ZC3H3: variants seen among roughly 807,000 people sequenced by gnomAD.
ZC3H3 encodes zinc finger CCCH-type containing 3.
ZC3H3 carries 36 observed loss-of-function variants against 77.3 expected under a neutral mutation model. That is an observed-to-expected ratio of 0.47 (90% confidence interval 0.36 to 0.61). ZC3H3 has a LOEUF of 0.61. Among genes scored for constraint, ZC3H3 ranks in the 20% least tolerant of loss-of-function variants. The pLI is 0.00. For missense variants in ZC3H3, 1,331 were observed against 1,312.2 expected (o/e 1.01, Z -0.22); for synonymous variants, 626 against 555.2 (o/e 1.13, Z -1.79).
At chr8:143,520,559 C>A (rs1367327867) in intron 3 of ZC3H3, among the ~76,000 whole-genome samples, 5 of 152,228 alleles carry the variant, frequency 3.3e-5, no homozygotes, top group Admixed American at 3.3e-4. Context: ...GCCGGGCCCA[C>A]CCAGACACCC....
chr8:143,474,919 C>T (rs1423920917), intron 5 of ZC3H3, among the ~76,000 whole-genome samples: 2 of 152,368 alleles, frequency 1.3e-5, no homozygotes, highest in East Asian at 1.9e-4. Flanking sequence ...ACGGGCGCCG[C>T]GGCCCCAGGT....
intron 9 of ZC3H3, among the ~76,000 whole-genome samples, chr8:143,446,016 GAACA>G (rs1819854903): frequency 1.3e-5 from 2 of 152,182 alleles, no homozygotes; most frequent in Admixed American, 6.5e-5. Flanking sequence ...ACTGACCAAT[GAACA>G]AACAGAGAGC....
rs78610181 is a variant in ZC3H3, at chr8:143,473,748, C to T, written c.1903+1650G>A. ...TGTCCCTGGGGGTCAAGCACGATGT[C>T]CTCAGAGCACCTGCTGCTGGCCCCG... On this transcript the variant is annotated intron_variant, in intron 5 of 11. Coordinates refer to ENST00000262577, the MANE Select transcript of ZC3H3 (RefSeq NM_015117.3). Among the ~76,000 whole-genome samples, 47 of 152,350 alleles carry T rather than the reference C, an allele frequency of 3.1e-4. No individual in the cohort carries two copies. The East Asian group carries it at 8.5e-3, about 27-fold the overall frequency.
rs748519947 is a variant in ZC3H3 at position 143,500,214 on chromosome 8, C to T, written c.1715+7532G>A. ...ACTATCTGCTTCTGTTGTCTGCTTGCTTCCTGACCGCTCCCCACAGAAGGA... is the reference window on the plus strand; with the variant it reads ...ACTATCTGCTTCTGTTGTCTGCTTGTTTCCTGACCGCTCCCCACAGAAGGA... On this transcript the variant is annotated intron_variant, in intron 4 of 11. Transcript: ENST00000262577. 2.0e-5 allele frequency among the ~76,000 whole-genome samples: 3 copies of T among 152,254 alleles called. No homozygotes were observed. In the South Asian group the frequency reaches 6.2e-4, roughly 31 times the overall value.
At chr8:143,480,836 G>A (rs1006922144) in intron 4 of ZC3H3, among the ~76,000 whole-genome samples, 3 of 152,206 alleles carry the variant, frequency 2.0e-5, no homozygotes, top group Non-Finnish European at 4.4e-5. Flanking sequence ...GGCATGGCAG[G>A]AAGGCTGGGG....
At chr8:143,485,957 G>A (rs1586913849) in intron 4 of ZC3H3, among the ~76,000 whole-genome samples, 3 of 152,344 alleles carry the variant, frequency 2.0e-5, no homozygotes, top group South Asian at 2.1e-4. Flanking sequence ...CCAAGGCCAC[G>A]GGCCAGCCAC....
chr8:143,541,345 G>A (rs552323107), intron 1 of ZC3H3, 31 bp downstream of exon 1: 1 of 1,605,558 alleles, frequency 6.2e-7, no homozygotes, highest in Non-Finnish European at 8.5e-7. Flanking sequence ...GGAAAGAAGG[G>A]GACTCGCGTC....
At chr8:143,479,029 G>A (rs558815794) in intron 4 of ZC3H3, among the ~76,000 whole-genome samples, 262 of 152,328 alleles carry the variant, frequency 1.7e-3, no homozygotes, top group African/African-American at 6.2e-3. Context: ...CATAGCCTGG[G>A]AGCCCAGGGC....
chr8:143,477,386 C>T (rs564018401), intron 4 of ZC3H3, among the ~76,000 whole-genome samples: 18 of 152,316 alleles, frequency 1.2e-4, no homozygotes, highest in East Asian at 9.7e-4. Context: ...ATCCTGTCTG[C>T]GCCCTGCACA....
At chr8:143,539,859 C>T (rs1278819533) in intron 1 of ZC3H3, among the ~76,000 whole-genome samples, 6 of 152,270 alleles carry the variant, frequency 3.9e-5, no homozygotes, top group Non-Finnish European at 8.8e-5. Flanking sequence ...ATAGTCTTCC[C>T]TGCAGAAGAG....
intron 11 of ZC3H3, among the ~76,000 whole-genome samples, chr8:143,439,094 G>T (rs1240722361): frequency 1.3e-5 from 2 of 151,620 alleles, no homozygotes; most frequent in African/African-American, 4.9e-5. Flanking sequence ...CTGGCTGCTA[G>T]GTTCCTGATC....
At chr8:143,526,253 G>A (rs1277654729) in intron 3 of ZC3H3, among the ~76,000 whole-genome samples, 1 of 152,074 alleles carries the variant, frequency 6.6e-6, no homozygotes, top group East Asian at 1.9e-4. Flanking sequence ...TCAGGGCCTC[G>A]CCAGGCTGGC....
chr8:143,474,666 G>A (rs61251648), intron 5 of ZC3H3, among the ~76,000 whole-genome samples: 48,261 of 152,130 alleles, frequency 0.32, 8,521 homozygotes, highest in East Asian at 0.69. Context: ...CAGGCGGGTC[G>A]GGGAGCCAGC....
At position 143,536,407 on chromosome 8, in the gene ZC3H3, T is replaced by C; in HGVS notation, c.1411A>G (p.Lys471Glu). The change falls in exon 3 of 12, where the codon AAG becomes GAG. Residue 471 changes from lysine to glutamate, a missense_variant. Physicochemically the swap from Lys to Glu is moderately conservative, Grantham distance 56. This residue lies in a region of ZC3H3 where 978 missense variants were observed against 915.5 expected (regional missense o/e 1.07). Transcript: ENST00000262577. ...CTCCGCCGGAGGCTGAGGTGGCTCT[T>C]GGCGGTGGCGGCAGGTGAGGTGCCG... Reference protein sequence around the residue: ...KSGTSPAATAKSHLSLRRRQA... With the variant: ...KSGTSPAATAESHLSLRRRQA... 6.4e-7 allele frequency: 1 copy of C among 1,560,822 alleles called. No homozygotes were observed. Among genetic ancestry groups the C allele is most frequent in the Non-Finnish European group, 8.7e-7 (1 of 1,150,752 alleles).
At chr8:143,495,735 C>T (rs1821328288) in intron 4 of ZC3H3, among the ~76,000 whole-genome samples, 1 of 150,976 alleles carries the variant, frequency 6.6e-6, no homozygotes, top group Non-Finnish European at 1.5e-5. Context: ...TGCATGCCAC[C>T]ATGCCTGGCT....
rs191936425 is a variant in ZC3H3 at position 143,473,772 on chromosome 8, C to T, written c.1903+1626G>A. 4.4e-3 allele frequency among the ~76,000 whole-genome samples: 673 copies of T among 152,322 alleles called. 3 individuals carry two copies. The highest frequency in any genetic ancestry group is 0.015 in the African/African-American group (626 of 41,548). ...TCCTCAGAGCACCTGCTGCTGGCCCCGGGAGCTCCACTGGTCAGGGTCCCT... is the reference window on the plus strand; with the variant it reads ...TCCTCAGAGCACCTGCTGCTGGCCCTGGGAGCTCCACTGGTCAGGGTCCCT... On this transcript the variant is annotated intron_variant, in intron 5 of 11. Coordinates refer to ENST00000262577, the MANE Select transcript of ZC3H3 (RefSeq NM_015117.3).
chr8:143,459,969 G>A (rs577840974), intron 9 of ZC3H3, among the ~76,000 whole-genome samples: 89 of 152,058 alleles, frequency 5.9e-4, no homozygotes, highest in African/African-American at 1.8e-3. Context: ...GCCAGAGGCC[G>A]GGCGTGGTGG....
intron 4 of ZC3H3, among the ~76,000 whole-genome samples, chr8:143,504,644 A>G (rs1256113137): frequency 6.6e-6 from 1 of 152,110 alleles, no homozygotes; most frequent in African/African-American, 2.4e-5. Flanking sequence ...GCTGCCCCCA[A>G]CTACACCCTA....
intron 1 of ZC3H3, 70 bp downstream of exon 1, chr8:143,541,306 G>A: frequency 6.3e-7 from 1 of 1,592,144 alleles, no homozygotes; most frequent in East Asian, 2.3e-5. Context: ...CTTCGACAAG[G>A]GGGCAGGGGA....
Sources: allele counts gnomAD v4.1 joint callset (sites outside exome capture counted in the v4.1 genomes callset), GRCh38; gene constraint gnomAD v4.1.1; regional missense constraint gnomAD v4.1.1; transcripts MANE v1.5; gene names NCBI Gene and HGNC (gene_info 2026-07-23, HGNC 2026-07-21).